XRCC4: variants seen among roughly 807,000 people sequenced by gnomAD.
XRCC4 encodes the protein DNA repair protein XRCC4.
Under a neutral mutation model 39.1 loss-of-function variants are expected in XRCC4, and 28 were observed. That is an observed-to-expected ratio of 0.72 (90% CI 0.53 to 0.98). The LOEUF is 0.98. Ranked by LOEUF, XRCC4 falls within the 50% of genes least tolerant of loss-of-function variation. XRCC4 has a pLI of 0.00. For synonymous variants in XRCC4, 123 were observed against 126.4 expected, an observed-to-expected ratio of 0.97 and a Z score of 0.18; for missense variants, 350 against 376.4, an observed-to-expected ratio of 0.93 and a Z score of 0.58.
chr5:83,116,629 T>G, intron 3 of XRCC4, among the ~76,000 whole-genome samples: 1 of 140,888 alleles, frequency 7.1e-6, no homozygotes, highest in South Asian at 2.4e-4. Flanking sequence ...TTTTTTTTTT[T>G]TTTTTTTTTT....
chr5:83,353,275 CTA>C lies in XRCC4; in HGVS notation c.*35_*36del. ...AAAAAATACTTTGATGTTCACTAGA[CTA>C]TGTTTTCTATTCATTTCTTTAAAAT... On this transcript the variant is annotated 3_prime_UTR_variant, in exon 8 of 8. Transcript: ENST00000396027. 1.4e-6 allele frequency: 2 copies of C among 1,445,036 alleles called. No homozygotes were observed. Among genetic ancestry groups the C allele is most frequent in the Non-Finnish European group, 1.9e-6 (2 of 1,054,434 alleles). The allele number at this position is 1,445,036 out of a possible 1,614,324, so 89.5% of individuals were successfully genotyped here. A position where few individuals can be genotyped will look rare whatever the true frequency, so the allele number is the denominator to read the frequency against.
intron 3 of XRCC4, among the ~76,000 whole-genome samples, chr5:83,160,138 CTTAAA>C (rs1380941492): frequency 1.3e-5 from 2 of 152,048 alleles, no homozygotes; most frequent in Non-Finnish European, 2.9e-5. Flanking sequence ...TGTCCTTTTT[CTTAAA>C]TTAAAGAACA....
intron 6 of XRCC4, among the ~76,000 whole-genome samples, chr5:83,217,606 A>T (rs1422911393): frequency 6.6e-6 from 1 of 152,172 alleles, no homozygotes; most frequent in African/African-American, 2.4e-5. Flanking sequence ...AATGAAGTAG[A>T]GCTGAACCTC....
At chr5:83,172,842 GAACA>G (rs1749790934) in intron 3 of XRCC4, among the ~76,000 whole-genome samples, 1 of 152,060 alleles carries the variant, frequency 6.6e-6, no homozygotes, top group East Asian at 1.9e-4. Flanking sequence ...GTTAAATTGT[GAACA>G]AGTTCTTTCT....
In XRCC4 at chr5:83,236,868, GAA is replaced by G. The variant is rs199522667; in HGVS notation, c.746-21650_746-21649del. On this transcript the variant is annotated intron_variant, in intron 6 of 7. Transcript: ENST00000396027. ...AAGGAGCTCAAACAACTCAATAGGTGAAAAAAAAAAAAATCCATTTTAAAAAC... is the reference window on the plus strand; with the variant it reads ...AAGGAGCTCAAACAACTCAATAGGTGAAAAAAAAAAATCCATTTTAAAAAC... Among the ~76,000 whole-genome samples the G allele has an allele frequency of 8.1e-4, 111 of 137,606 alleles. 1 individual carries two copies. In the East Asian group the frequency reaches 0.017, roughly 20 times the overall value. 90.3% of individuals were successfully genotyped at this position (137,606 alleles called of 152,430 possible). A position where few individuals can be genotyped will look rare whatever the true frequency, so the allele number is the denominator to read the frequency against.
chr5:83,213,920 T>C (rs1044004799), intron 6 of XRCC4, among the ~76,000 whole-genome samples: 3 of 152,194 alleles, frequency 2.0e-5, no homozygotes, highest in African/African-American at 7.2e-5. Flanking sequence ...TGAAAATCAG[T>C]TAAAGTATTT....
At chr5:83,226,105 C>T (rs949327172) in intron 6 of XRCC4, among the ~76,000 whole-genome samples, 1 of 151,962 alleles carries the variant, frequency 6.6e-6, no homozygotes, top group Admixed American at 6.6e-5. Context: ...GCTCGTGTGC[C>T]CACTTAAAAG....
chr5:83,133,817 GT>G (rs1310025529), intron 3 of XRCC4, among the ~76,000 whole-genome samples: 1 of 152,112 alleles, frequency 6.6e-6, no homozygotes, highest in African/African-American at 2.4e-5. Context: ...CTTGCTCTTG[GT>G]GCCTCCTTGG....
At chr5:83,106,294 C>G (rs544910905) in intron 2 of XRCC4, among the ~76,000 whole-genome samples, 13 of 152,044 alleles carry the variant, frequency 8.6e-5, no homozygotes, top group Non-Finnish European at 1.9e-4. Context: ...TGCTGGTCAT[C>G]TGGGTAAGAA....
chr5:83,292,842 G>C (rs1243073690), intron 7 of XRCC4, among the ~76,000 whole-genome samples: 1 of 151,404 alleles, frequency 6.6e-6, no homozygotes, highest in African/African-American at 2.4e-5. Flanking sequence ...TTTCTAGATT[G>C]GATGACAAAA....
chr5:83,224,345 GTTTAC>G (rs1249277779), intron 6 of XRCC4, among the ~76,000 whole-genome samples: 4 of 151,900 alleles, frequency 2.6e-5, no homozygotes, highest in Non-Finnish European at 4.4e-5. Context: ...ACTTCTAACA[GTTTAC>G]TTTAAGCTGG....
chr5:83,100,598 A>G (rs960988259), intron 1 of XRCC4, among the ~76,000 whole-genome samples: 4 of 152,220 alleles, frequency 2.6e-5, no homozygotes, highest in Admixed American at 1.3e-4. Context: ...ATGGTTCTTA[A>G]GGTAAGTTTA....
At chr5:83,325,541 A>T (rs761201655) in intron 7 of XRCC4, among the ~76,000 whole-genome samples, 28 of 152,054 alleles carry the variant, frequency 1.8e-4, no homozygotes, top group African/African-American at 5.8e-4. Context: ...GCTCTCACTT[A>T]TAAGTGATAA....
intron 1 of XRCC4, among the ~76,000 whole-genome samples, chr5:83,102,862 TG>T (rs1746004520): frequency 6.6e-6 from 1 of 151,736 alleles, no homozygotes; most frequent in African/African-American, 2.4e-5. Context: ...CAAAGTGCTG[TG>T]GTAAGAAGAG....
chr5:83,099,831 C>T (rs914360236), intron 1 of XRCC4, among the ~76,000 whole-genome samples: 2 of 152,104 alleles, frequency 1.3e-5, no homozygotes, highest in Admixed American at 6.6e-5. Context: ...GATTCCACCC[C>T]GTTTCTTCAA....
chr5:83,106,029 A>G (rs1746182280), intron 2 of XRCC4, among the ~76,000 whole-genome samples: 2 of 152,166 alleles, frequency 1.3e-5, no homozygotes, highest in South Asian at 2.1e-4. Flanking sequence ...GACACAGAAC[A>G]GGTAATGTTG....
intron 7 of XRCC4, among the ~76,000 whole-genome samples, chr5:83,309,296 A>AAAAAAAAAAAAAT (rs1561467702): frequency 1.4e-5 from 1 of 72,232 alleles, no homozygotes; most frequent in African/African-American, 8.5e-5. Context: ...AAAAAAAAAA[A>AAAAAAAAAAAAAT]ATATATATAT....
At chr5:83,202,640 C>T (rs759710520) in intron 4 of XRCC4, among the ~76,000 whole-genome samples, 4 of 151,292 alleles carry the variant, frequency 2.6e-5, no homozygotes, top group Non-Finnish European at 5.9e-5. Flanking sequence ...TGTTTATGTA[C>T]AGTATAAAAA....
At chr5:83,169,262 A>C (rs533222107) in intron 3 of XRCC4, among the ~76,000 whole-genome samples, 4 of 152,166 alleles carry the variant, frequency 2.6e-5, no homozygotes, top group African/African-American at 4.8e-5. Flanking sequence ...TCCTTTTGAA[A>C]TTATAGATTC....
Sources: allele counts gnomAD v4.1 joint callset (sites outside exome capture counted in the v4.1 genomes callset), GRCh38; gene constraint gnomAD v4.1.1; transcripts MANE v1.5; gene names NCBI Gene and HGNC (gene_info 2026-07-23, HGNC 2026-07-21).